The following SULF1 variants were observed in gnomAD, a reference collection of about 807,000 sequenced individuals.
SULF1 encodes sulfatase 1, also known as extracellular sulfatase Sulf-1.
SULF1 carries 46 observed loss-of-function variants against 110.5 expected under a neutral mutation model. The observed-to-expected ratio is 0.42, with a 90% confidence interval of 0.33 to 0.53. The LOEUF (loss-of-function observed/expected upper bound fraction) is 0.53, where lower values mean the gene tolerates loss of function less well. Among genes scored for constraint, SULF1 ranks in the 20% least tolerant of loss-of-function variants. The probability of loss-of-function intolerance (pLI) is 0.12; values close to 1 mark genes in which losing one functional copy is unlikely to be tolerated. For missense variants in SULF1, 941 were observed against 1,094.2 expected (o/e 0.86, Z 1.98); for synonymous variants, 371 against 387.1 (o/e 0.96, Z 0.49).
intron 13 of SULF1, among the ~76,000 whole-genome samples, chr8:69,607,416 G>C (rs1586535906): frequency 6.6e-6 from 1 of 152,352 alleles, no homozygotes; most frequent in East Asian, 1.9e-4. Flanking sequence ...CCAGGCTGGA[G>C]TGCAGTGGCG....
Position 69,603,292 on chromosome 8 carries a change from C to T in SULF1, c.1162C>T (p.Leu388Phe). 6.2e-7 allele frequency: 1 copy of T among 1,614,144 alleles called. No individual in the cohort carries two copies. Among genetic ancestry groups the T allele is most frequent in the Non-Finnish European group, 8.5e-7 (1 of 1,180,030 alleles). The change falls in exon 11 of 23, where the codon CTT becomes TTT. Residue 388 changes from leucine to phenylalanine, a missense_variant. Coordinates refer to ENST00000402687, the MANE Select transcript of SULF1 (RefSeq NM_001128205.2). Reference sequence around the variant, plus strand: ...TGTGGACGGCAAGTCTGTCCTCAAACTTCTGGACCCAGAAAAGCCAGGTAA... The same window carrying T: ...TGTGGACGGCAAGTCTGTCCTCAAATTTCTGGACCCAGAAAAGCCAGGTAA... The part of the protein sequence containing the change: ...PDVDGKSVLK[L>F]LDPEKPGNRF...
In SULF1 at chr8:69,627,845, A is replaced by C. The variant is rs754047380; in HGVS notation, c.2021A>C (p.Glu674Ala). The change falls in exon 17 of 23, where the codon GAA becomes GCA. Residue 674 changes from glutamate to alanine, a missense_variant. This residue lies in a region of SULF1 where 822 missense variants were observed against 934.3 expected (regional missense o/e 0.88). Transcript: ENST00000402687. ...RGHLKRRKPE[E>A]CSCSKQSYYN... ...CATCTGAAGAGAAGGAAGCCTGAGG[A>C]ATGTAGCTGCAGTAAACAAAGGTGA... is the stretch of plus-strand genomic sequence containing the variant. The C allele has an allele frequency of 1.3e-5, 21 of 1,613,170 alleles. No homozygotes were observed. In the South Asian group the frequency reaches 2.2e-4, roughly 17 times the overall value.
At chr8:69,469,852 G>C (rs1442252458) in intron 1 of SULF1, among the ~76,000 whole-genome samples, 1 of 152,198 alleles carries the variant, frequency 6.6e-6, no homozygotes, top group Non-Finnish European at 1.5e-5. Flanking sequence ...GTCCAGCCTG[G>C]CCAACATGGT....
chr8:69,486,797 C>T (rs932504356), intron 1 of SULF1, among the ~76,000 whole-genome samples: 1 of 152,138 alleles, frequency 6.6e-6, no homozygotes, highest in African/African-American at 2.4e-5. Context: ...AACAACTCCC[C>T]CGCCCCTGCA....
At chr8:69,516,250 A>G (rs903900031) in intron 3 of SULF1, among the ~76,000 whole-genome samples, 2 of 152,184 alleles carry the variant, frequency 1.3e-5, no homozygotes, top group Non-Finnish European at 2.9e-5. Flanking sequence ...TGCAGGCTGT[A>G]CAGGAAGCAT....
chr8:69,508,068 A>G (rs1811313327), intron 3 of SULF1, among the ~76,000 whole-genome samples: 2 of 152,082 alleles, frequency 1.3e-5, no homozygotes, highest in African/African-American at 4.8e-5. Flanking sequence ...TTTAAAAAGA[A>G]GGTAATTCAG....
intron 3 of SULF1, among the ~76,000 whole-genome samples, chr8:69,505,877 A>G (rs575069351): frequency 6.6e-6 from 1 of 152,098 alleles, no homozygotes; most frequent in Non-Finnish European, 1.5e-5. Flanking sequence ...TAAAAACCAT[A>G]TAACAGTCGC....
At chr8:69,564,280 G>A (rs1301237908) in intron 5 of SULF1, 133 bp downstream of exon 5, 14 of 1,073,072 alleles carry the variant, frequency 1.3e-5, no homozygotes, top group East Asian at 1.2e-4. Flanking sequence ...TTTACGCAAT[G>A]AACTTGTATT....
chr8:69,515,547 G>A (rs1003097369), intron 3 of SULF1, among the ~76,000 whole-genome samples: 12 of 152,164 alleles, frequency 7.9e-5, no homozygotes, highest in South Asian at 4.1e-4. Flanking sequence ...TTTCCCCATC[G>A]TCTTGGCTAT....
chr8:69,485,531 T>A (rs997711626), intron 1 of SULF1, among the ~76,000 whole-genome samples: 4 of 152,170 alleles, frequency 2.6e-5, no homozygotes, highest in Non-Finnish European at 5.9e-5. Flanking sequence ...CAGCTTCTTC[T>A]TCCTAATGCA....
At chr8:69,601,977 T>C in intron 10 of SULF1, 148 bp downstream of exon 10, 1 of 761,210 alleles carries the variant, frequency 1.3e-6, no homozygotes, top group Non-Finnish European at 2.0e-6. Context: ...TGAAAACCTT[T>C]TCCTCCCTGC....
chr8:69,535,492 G>GA (rs34793324), intron 3 of SULF1, among the ~76,000 whole-genome samples: 113,721 of 151,948 alleles, frequency 0.75, 42,690 homozygotes, highest in African/African-American at 0.82. Flanking sequence ...TAGCAAAGAG[G>GA]AAAAATTATT....
chr8:69,467,133 T>C (rs1404006855), intron 1 of SULF1: 1 of 152,196 alleles, frequency 6.6e-6, no homozygotes, highest in East Asian at 1.9e-4. Flanking sequence ...GAACTAACAC[T>C]CCTCATGCCT....
chr8:69,582,043 G>A (rs1159935983), intron 6 of SULF1, among the ~76,000 whole-genome samples: 1 of 152,168 alleles, frequency 6.6e-6, no homozygotes, highest in Non-Finnish European at 1.5e-5. Context: ...GTTTATAAGG[G>A]AAGGATTAAG....
intron 1 of SULF1, among the ~76,000 whole-genome samples, chr8:69,474,055 C>T (rs564568772): frequency 2.0e-5 from 3 of 152,256 alleles, no homozygotes; most frequent in South Asian, 2.1e-4. Context: ...ACAACACTGG[C>T]ACATTTAGCC....
chr8:69,529,329 T>C (rs1193557934), intron 3 of SULF1, among the ~76,000 whole-genome samples: 1 of 152,196 alleles, frequency 6.6e-6, no homozygotes. Context: ...TCAGAACCCC[T>C]CTACTCTCTA....
At chr8:69,515,725 G>T (rs1416870803) in intron 3 of SULF1, among the ~76,000 whole-genome samples, 4 of 152,184 alleles carry the variant, frequency 2.6e-5, no homozygotes, top group African/African-American at 9.7e-5. Flanking sequence ...TTATGCAAAT[G>T]AATATATGCT....
intron 22 of SULF1, among the ~76,000 whole-genome samples, chr8:69,646,124 A>AGCCTCCTGGGTTCCAGTGATCCTCCCACC (rs1811892607): frequency 6.6e-6 from 1 of 150,842 alleles, no homozygotes; most frequent in Non-Finnish European, 1.5e-5. Flanking sequence ...TACATGCTAC[A>AGCCTCCTGGGTTCCAGTGATCCTCCCACC]TCAAAGGATG....
chr8:69,615,637 T>C (rs1809036950), intron 13 of SULF1, among the ~76,000 whole-genome samples: 1 of 152,114 alleles, frequency 6.6e-6, no homozygotes, highest in African/African-American at 2.4e-5. Flanking sequence ...CATATATGCA[T>C]ATATGTATGT....
Sources: gnomAD v4.1 joint callset for allele counts (sites outside exome capture counted in the v4.1 genomes callset) on GRCh38, gnomAD v4.1.1 for gene constraint, gnomAD v4.1.1 regional missense constraint, MANE v1.5 for transcripts, NCBI Gene and HGNC (gene_info 2026-07-23, HGNC 2026-07-21) for gene names.